Variants in PCDH15 observed in about 807,000 individuals in gnomAD.
PCDH15 encodes the protein protocadherin-15.
In PCDH15, 129 loss-of-function variants were observed where a neutral mutation model predicts 178.5. The observed-to-expected ratio is 0.72, with a 90% CI of 0.63 to 0.84. The LOEUF (loss-of-function observed/expected upper bound fraction) is 0.84. Ranked by LOEUF, PCDH15 falls within the 40% of genes least tolerant of loss-of-function variation. PCDH15 has a pLI of 0.00. For synonymous variants in PCDH15, 800 were observed against 732.0 expected (o/e 1.09, Z -1.50); for missense variants, 2,230 against 2,099.9 (o/e 1.06, Z -1.21).
intron 26 of PCDH15, among the ~76,000 whole-genome samples, chr10:53,892,532 G>C (rs140504910): frequency 6.6e-6 from 1 of 152,086 alleles, no homozygotes; most frequent in Non-Finnish European, 1.5e-5. Context: ...TGTGTGGAGA[G>C]GGGGAAGAAG....
At chr10:54,461,581 C>G (rs1172086127) in intron 3 of PCDH15, among the ~76,000 whole-genome samples, 4 of 152,110 alleles carry the variant, frequency 2.6e-5, no homozygotes, top group African/African-American at 9.6e-5. Context: ...TTGTCAACAA[C>G]AACAACTGCT....
At chr10:54,806,510 G>T (rs986586189) in intron 3 of PCDH15, among the ~76,000 whole-genome samples, 1 of 150,392 alleles carries the variant, frequency 6.6e-6, no homozygotes, top group African/African-American at 2.5e-5. Context: ...CTGAGACGGA[G>T]TCTTGCTCTG....
intron 1 of PCDH15, among the ~76,000 whole-genome samples, chr10:54,681,385 AAGAG>A (rs371697170): frequency 6.6e-6 from 1 of 152,186 alleles, no homozygotes; most frequent in Non-Finnish European, 1.5e-5. Context: ...AGGATGTACA[AAGAG>A]AGAAAAAATC....
chr10:54,775,923 A>G (rs1949653010), intron 1 of PCDH15, among the ~76,000 whole-genome samples: 1 of 151,992 alleles, frequency 6.6e-6, no homozygotes, highest in Non-Finnish European at 1.5e-5. Context: ...AAATATCTCC[A>G]CATCCTTCCT....
At chr10:54,896,257 T>C (rs1954543928) in intron 3 of PCDH15, among the ~76,000 whole-genome samples, 1 of 152,172 alleles carries the variant, frequency 6.6e-6, no homozygotes, top group Non-Finnish European at 1.5e-5. Context: ...TCAATTTTAT[T>C]TTACTATAGT....
At chr10:55,243,007 A>G (rs893440892) in intron 1 of PCDH15, among the ~76,000 whole-genome samples, 2 of 152,222 alleles carry the variant, frequency 1.3e-5, no homozygotes, top group Non-Finnish European at 2.9e-5. Context: ...TTTTTTCTAG[A>G]GGAAATGGAA....
intron 1 of PCDH15, among the ~76,000 whole-genome samples, chr10:55,304,590 T>C (rs1441223073): frequency 6.6e-6 from 1 of 152,184 alleles, no homozygotes; most frequent in African/African-American, 2.4e-5. Context: ...ACTGCTTTTA[T>C]AAGTCCTTCA....
At chr10:54,969,147 T>C (rs954967243) in intron 2 of PCDH15, among the ~76,000 whole-genome samples, 3 of 152,156 alleles carry the variant, frequency 2.0e-5, no homozygotes, top group African/African-American at 7.2e-5. Context: ...TAATGTTTCA[T>C]TGGAATATTA....
At chr10:55,037,521 C>T (rs560144282) in intron 2 of PCDH15, among the ~76,000 whole-genome samples, 154 of 152,218 alleles carry the variant, frequency 1.0e-3, no homozygotes, top group African/African-American at 3.6e-3. Context: ...CGTGAGCCAC[C>T]GCACCCGGCC....
At chr10:53,990,150 C>T (rs911976709) in intron 21 of PCDH15, among the ~76,000 whole-genome samples, 1 of 152,150 alleles carries the variant, frequency 6.6e-6, no homozygotes, top group Non-Finnish European at 1.5e-5. Flanking sequence ...GAAGATCTAG[C>T]CATCTTTTTA....
chr10:55,018,148 A>G (rs911181943), intron 2 of PCDH15, among the ~76,000 whole-genome samples: 1 of 152,092 alleles, frequency 6.6e-6, no homozygotes, highest in Non-Finnish European at 1.5e-5. Context: ...TAACCTATTG[A>G]TGTTTAGAGG....
At chr10:54,320,660 C>G (rs1041704830) in intron 7 of PCDH15, among the ~76,000 whole-genome samples, 15 of 151,884 alleles carry the variant, frequency 9.9e-5, no homozygotes, top group African/African-American at 3.6e-4. Context: ...ATAGCTATGT[C>G]TATAATATAT....
intron 2 of PCDH15, among the ~76,000 whole-genome samples, chr10:55,462,638 T>C (rs1005820091): frequency 5.3e-5 from 8 of 152,134 alleles, no homozygotes; most frequent in South Asian, 2.1e-4. Context: ...TGTTCCTATA[T>C]ATATTGTGCC....
intron 1 of PCDH15, among the ~76,000 whole-genome samples, chr10:55,170,922 G>T (rs528404339): frequency 2.6e-5 from 4 of 152,030 alleles, no homozygotes; most frequent in African/African-American, 9.7e-5. Flanking sequence ...AAGCGTAATT[G>T]ATTTTTCTCT....
intron 17 of PCDH15, among the ~76,000 whole-genome samples, chr10:54,076,116 T>C (rs1458132873): frequency 6.6e-6 from 1 of 152,186 alleles, no homozygotes; most frequent in Admixed American, 6.5e-5. Flanking sequence ...AATTTAGTTA[T>C]GTTTTATTTA....
At chr10:53,905,064 T>A (rs1405251960) in intron 25 of PCDH15, 1 of 445,530 alleles carries the variant, frequency 2.2e-6, no homozygotes, top group African/African-American at 2.0e-5. Flanking sequence ...TAACTTCATA[T>A]CTGGATGGTA....
intron 1 of PCDH15, among the ~76,000 whole-genome samples, chr10:54,763,295 G>A (rs2184719): frequency 0.15 from 22,792 of 152,110 alleles, 2,022 homozygotes; most frequent in East Asian, 0.24. Context: ...TGTGTGCAAA[G>A]CCAGAACACA....
At chr10:55,606,288 G>C (rs1044528097) in intron 2 of PCDH15, among the ~76,000 whole-genome samples, 5 of 98,388 alleles carry the variant, frequency 5.1e-5, no homozygotes, top group African/African-American at 8.6e-5. Flanking sequence ...TCATGGGTAG[G>C]AAGAATCAAT....
intron 1 of PCDH15, among the ~76,000 whole-genome samples, chr10:55,171,169 AGTC>A (rs1299692298): frequency 6.6e-6 from 1 of 152,170 alleles, no homozygotes; most frequent in African/African-American, 2.4e-5. Context: ...TTAGCATGTC[AGTC>A]TACTACCCTC....
Sources: allele counts gnomAD v4.1 joint callset (sites outside exome capture counted in the v4.1 genomes callset), GRCh38; gene constraint gnomAD v4.1.1; transcripts MANE v1.5; gene names NCBI Gene and HGNC (gene_info 2026-07-23, HGNC 2026-07-21).